The following ZNF423 variants were observed in gnomAD, a reference collection of about 807,000 sequenced individuals.
The protein encoded by ZNF423 is Ebf-associated zinc finger protein.
In ZNF423, 12 loss-of-function variants were observed where a neutral mutation model predicts 95.8. The observed-to-expected ratio is 0.13, with a 90% CI of 0.08 to 0.20. The LOEUF (loss-of-function observed/expected upper bound fraction) is 0.20. ZNF423 is among the 10% of genes least tolerant of loss of function. The pLI is 1.00. For missense variants in ZNF423, 1,316 were observed against 1,737.1 expected (o/e 0.76, Z 4.31); for synonymous variants, 749 against 711.9 (o/e 1.05, Z -0.83).
At chr16:49,570,236 A>G (rs1176415366) in intron 5 of ZNF423, among the ~76,000 whole-genome samples, 1 of 152,162 alleles carries the variant, frequency 6.6e-6, no homozygotes. Context: ...GTGACCCTTT[A>G]GTGAAGGCCT....
At chr16:49,780,439 G>A in intron 2 of ZNF423, 1 of 152,350 alleles carries the variant, frequency 6.6e-6, no homozygotes, top group East Asian at 1.9e-4. Flanking sequence ...AGGGGTCCGA[G>A]TCAGGGCTGC....
intron 2 of ZNF423, among the ~76,000 whole-genome samples, chr16:49,781,449 G>A (rs377405120): frequency 2.0e-5 from 3 of 152,204 alleles, no homozygotes; most frequent in Admixed American, 6.5e-5. Context: ...CGAGTTCAGC[G>A]TGGACTTCAT....
chr16:49,574,819 T>C (rs1358719946), intron 5 of ZNF423, among the ~76,000 whole-genome samples: 5 of 152,242 alleles, frequency 3.3e-5, no homozygotes. Context: ...CTGCCCCTGC[T>C]GCCCTCAGAA....
intron 3 of ZNF423, among the ~76,000 whole-genome samples, chr16:49,678,504 G>T (rs984265937): frequency 1.8e-4 from 27 of 152,182 alleles, no homozygotes; most frequent in Non-Finnish European, 2.6e-4. Context: ...CAATAAACCA[G>T]TAAACAAGTG....
intron 5 of ZNF423, among the ~76,000 whole-genome samples, chr16:49,583,644 G>C (rs954577877): frequency 6.6e-6 from 1 of 151,882 alleles, no homozygotes; most frequent in African/African-American, 2.4e-5. Context: ...CTTATATGTC[G>C]TCAAGCTCAA....
At chr16:49,579,963 G>GCCACCA (rs1195207263) in intron 5 of ZNF423, among the ~76,000 whole-genome samples, 7 of 152,108 alleles carry the variant, frequency 4.6e-5, no homozygotes, top group African/African-American at 1.4e-4. Flanking sequence ...CCCAGCCACT[G>GCCACCA]CCACCACCAT....
intron 1 of ZNF423, among the ~76,000 whole-genome samples, chr16:49,815,948 T>TG: frequency 8.2e-6 from 1 of 121,532 alleles, no homozygotes; most frequent in South Asian, 3.0e-4. Context: ...AGACAAAGTC[T>TG]CACTCTGTTG....
chr16:49,549,069 G>A (rs1253705174), intron 5 of ZNF423, among the ~76,000 whole-genome samples: 2 of 152,198 alleles, frequency 1.3e-5, no homozygotes, highest in African/African-American at 4.8e-5. Context: ...GCCCACTTCA[G>A]ATGGTTCAAA....
chr16:49,654,423 G>C (rs1037665914), intron 3 of ZNF423, among the ~76,000 whole-genome samples: 1 of 152,188 alleles, frequency 6.6e-6, no homozygotes, highest in African/African-American at 2.4e-5. Flanking sequence ...GTCCTGGGGG[G>C]CGTAGAGCAC....
At chr16:49,793,854 C>T (rs909826617) in intron 1 of ZNF423, among the ~76,000 whole-genome samples, 2 of 152,186 alleles carry the variant, frequency 1.3e-5, no homozygotes, top group Non-Finnish European at 2.9e-5. Context: ...GCCCGATTCA[C>T]CACGATGCTA....
intron 5 of ZNF423, among the ~76,000 whole-genome samples, chr16:49,587,946 A>G (rs549445442): frequency 6.6e-6 from 1 of 152,256 alleles, no homozygotes; most frequent in Admixed American, 6.5e-5. Flanking sequence ...CCACGCACAC[A>G]TAACCAGGAC....
intron 5 of ZNF423, among the ~76,000 whole-genome samples, chr16:49,613,278 A>G (rs1971781718): frequency 6.6e-6 from 1 of 152,258 alleles, no homozygotes; most frequent in Admixed American, 6.5e-5. Flanking sequence ...AACTTATTCT[A>G]TAGCTATAGT....
chr16:49,806,746 A>C (rs1201665549), intron 1 of ZNF423, among the ~76,000 whole-genome samples: 1 of 152,036 alleles, frequency 6.6e-6, no homozygotes, highest in Non-Finnish European at 1.5e-5. Flanking sequence ...AATGCACAGC[A>C]GGCCAGGCGC....
At chr16:49,550,173 T>C (rs930486934) in intron 5 of ZNF423, among the ~76,000 whole-genome samples, 7 of 152,192 alleles carry the variant, frequency 4.6e-5, no homozygotes, top group Admixed American at 3.9e-4. Flanking sequence ...CAGCCTCAAA[T>C]TGTTTAAACT....
Position 49,512,430 on chromosome 16 carries a change from C to T in ZNF423, c.3849+11194G>A, listed in dbSNP as rs372537330. ...AACAAAGAAGGGCTCTTCAATAACC[C>T]TGGTCTCTTGAAAGCAAGAGAATGC... On this transcript the variant is annotated intron_variant, in intron 7 of 7. Transcript: ENST00000563137. Among the ~76,000 whole-genome samples, 27 of 152,358 alleles carry T rather than the reference C, an allele frequency of 1.8e-4. No individual in the cohort carries two copies. In the East Asian group the frequency reaches 2.5e-3, roughly 14 times the overall value.
chr16:49,638,900 T>C lies in ZNF423; in HGVS notation c.302-26A>G, dbSNP rs377454372. 1.0e-5 allele frequency: 16 copies of C among 1,574,738 alleles called. No homozygotes were observed. The highest frequency in any genetic ancestry group is 5.2e-5 in the Admixed American group (3 of 57,164). The stretch of plus-strand genomic sequence containing the variant: ...CTGCAAGAGAAGGCAGAGAGGATAT[T>C]AGAGGCAATTCCCAGGGCTGCCGAG... On this transcript the variant is annotated intron_variant, in intron 3 of 7. Coordinates refer to ENST00000563137, the MANE Select transcript of ZNF423 (RefSeq NM_001379286.1). The surrounding 1 kb of genome is among the most constrained non-coding windows in gnomAD (Gnocchi z 5.6).
At chr16:49,757,393 G>A (rs539772184) in intron 2 of ZNF423, among the ~76,000 whole-genome samples, 60 of 152,308 alleles carry the variant, frequency 3.9e-4, no homozygotes, top group Admixed American at 1.4e-3. Context: ...ATGTAGAGAA[G>A]ATTAGGTGAA....
intron 2 of ZNF423, among the ~76,000 whole-genome samples, chr16:49,783,642 G>A (rs2034256715): frequency 1.3e-5 from 2 of 151,582 alleles, no homozygotes; most frequent in African/African-American, 4.9e-5. Context: ...GGGGGTTAGG[G>A]TTAGGGCTAG....
intron 3 of ZNF423, among the ~76,000 whole-genome samples, chr16:49,728,801 T>C (rs1007614520): frequency 6.6e-6 from 1 of 152,248 alleles, no homozygotes; most frequent in Admixed American, 6.5e-5. Flanking sequence ...GGCATGATCT[T>C]GGCTCACCGC....
Sources: gnomAD v4.1 joint callset for allele counts (sites outside exome capture counted in the v4.1 genomes callset) on GRCh38, gnomAD v4.1.1 for gene constraint, Gnocchi (gnomAD v3.1) non-coding constraint, MANE v1.5 for transcripts, NCBI Gene and HGNC (gene_info 2026-07-23, HGNC 2026-07-21) for gene names.